FBP1: variants seen among roughly 807,000 people sequenced by gnomAD.
FBP1 encodes the protein fructose-1,6-bisphosphatase 1.
FBP1 carries 22 observed loss-of-function variants against 29.9 expected under a neutral mutation model. The observed-to-expected ratio is 0.74, with a 90% CI of 0.53 to 1.05. The LOEUF (loss-of-function observed/expected upper bound fraction) is 1.05. Ranked by LOEUF, FBP1 falls within the 50% of genes least tolerant of loss-of-function variation. The pLI is 0.00. For synonymous variants in FBP1, 175 were observed against 178.6 expected (o/e 0.98, Z 0.16); for missense variants, 345 against 448.2 (o/e 0.77, Z 2.08).
intron 1 of FBP1, among the ~76,000 whole-genome samples, chr9:94,636,163 T>C (rs1478984994): frequency 6.6e-6 from 1 of 152,118 alleles, no homozygotes; most frequent in African/African-American, 2.4e-5. Flanking sequence ...TAAAACCTGG[T>C]ATTCACAACT....
At chr9:94,636,331 T>C (rs1320461868) in intron 1 of FBP1, among the ~76,000 whole-genome samples, 1 of 151,654 alleles carries the variant, frequency 6.6e-6, no homozygotes, top group East Asian at 1.9e-4. Flanking sequence ...ACACAAAAAT[T>C]ATCCGGCATG....
At chr9:94,617,331 A>T (rs566962070) in intron 3 of FBP1, among the ~76,000 whole-genome samples, 1 of 152,360 alleles carries the variant, frequency 6.6e-6, no homozygotes, top group South Asian at 2.1e-4. Context: ...GGCTGTACAC[A>T]TTAGGCCACA....
intron 1 of FBP1, among the ~76,000 whole-genome samples, chr9:94,629,565 T>C (rs1828073155): frequency 6.6e-6 from 1 of 151,890 alleles, no homozygotes; most frequent in Admixed American, 6.6e-5. Flanking sequence ...CTCCAGGAGA[T>C]CTTCCATGGT....
chr9:94,610,355 C>G (rs1194891385), intron 3 of FBP1, among the ~76,000 whole-genome samples: 1 of 152,214 alleles, frequency 6.6e-6, no homozygotes, highest in African/African-American at 2.4e-5. Flanking sequence ...AAAGAGCATG[C>G]CTTCTTGCCA....
At chr9:94,604,204 T>C (rs1226759175) in intron 6 of FBP1, among the ~76,000 whole-genome samples, 1 of 151,378 alleles carries the variant, frequency 6.6e-6, no homozygotes, top group Non-Finnish European at 1.5e-5. Flanking sequence ...CCTGAGTCTA[T>C]TTCCACATAG....
At chr9:94,625,770 G>A (rs868514610) in intron 1 of FBP1, among the ~76,000 whole-genome samples, 41 of 151,994 alleles carry the variant, frequency 2.7e-4, no homozygotes, top group African/African-American at 8.9e-4. Context: ...GCTCCAGCCT[G>A]GGCGACAGAG....
chr9:94,630,451 T>C (rs1188631095), intron 1 of FBP1, among the ~76,000 whole-genome samples: 1 of 152,192 alleles, frequency 6.6e-6, no homozygotes, highest in Non-Finnish European at 1.5e-5. Context: ...TAGAGTGTAA[T>C]GGTCAAGGCC....
chr9:94,625,473 CCAAGCCATG>C, intron 1 of FBP1, among the ~76,000 whole-genome samples: 1 of 152,132 alleles, frequency 6.6e-6, no homozygotes, highest in Middle Eastern at 3.4e-3. Context: ...CCCGCATCCA[CCAAGCCATG>C]CAGGCCCTCG....
intron 6 of FBP1, 128 bp downstream of exon 6, chr9:94,605,329 G>C: frequency 1.1e-6 from 1 of 925,032 alleles, no homozygotes; most frequent in Non-Finnish European, 1.7e-6. Context: ...AAAAGAATAT[G>C]CTACAGACAC....
chr9:94,610,895 G>A (rs572543157), intron 3 of FBP1, among the ~76,000 whole-genome samples: 23 of 145,746 alleles, frequency 1.6e-4, no homozygotes, highest in Non-Finnish European at 2.7e-4. Flanking sequence ...ACGGAGTCTC[G>A]CTCTGTCGCC....
At position 94,612,486 on chromosome 9, in the gene FBP1, C is replaced by T. The variant is rs2987896; in HGVS notation, c.427-2425G>A. On this transcript the variant is annotated intron_variant, in intron 3 of 6. Coordinates refer to ENST00000375326, the MANE Select transcript of FBP1 (RefSeq NM_000507.4). ...TTGTCTATGACCCACATACTCAAAA[C>T]GAAGAGAAAATTATCCCACTGAGCC... 7.3e-3 allele frequency among the ~76,000 whole-genome samples: 1,101 copies of T among 151,232 alleles called. 6 individuals carry two copies. Among genetic ancestry groups the T allele is most frequent in the Non-Finnish European group, 0.01 (689 of 67,934 alleles).
chr9:94,617,997 A>G (rs1436900856), intron 2 of FBP1, 137 bp from the exon 3 acceptor site: 1 of 698,980 alleles, frequency 1.4e-6, no homozygotes, highest in Non-Finnish European at 2.5e-6. Context: ...ACTGTCATGG[A>G]AGGCATGAGA....
chr9:94,619,649 G>A (rs369187619), intron 2 of FBP1, among the ~76,000 whole-genome samples: 8 of 151,974 alleles, frequency 5.3e-5, no homozygotes, highest in African/African-American at 1.2e-4. Flanking sequence ...CAAGGTGGGC[G>A]GGTCACTTGA....
intron 1 of FBP1, among the ~76,000 whole-genome samples, chr9:94,621,398 A>AAAAAAAAAAAAAATATATATATATATAT (rs58726402): frequency 2.7e-5 from 4 of 146,158 alleles, no homozygotes; most frequent in Admixed American, 6.7e-5. Context: ...TCCGTCTAAA[A>AAAAAAAAAAAAAATATATATATATATAT]ATATATATAT....
chr9:94,608,297 C>G (rs1827731375), intron 4 of FBP1, among the ~76,000 whole-genome samples: 2 of 152,220 alleles, frequency 1.3e-5, no homozygotes, highest in Admixed American at 1.3e-4. Context: ...CCGTCAGGCA[C>G]CGCAGACAGA....
rs1205520262 is a variant in FBP1 at position 94,617,815 on chromosome 9, T to A, written c.379A>T (p.Ile127Phe). The part of the protein sequence containing the change: ...CFDPLDGSSN[I>F]DCLVSVGTIF... ...GTTCCAACGGACACAAGGCAATCGA[T>A]GTTGGAAGATCCATCAAGGGGATCA... Residue 127 changes from isoleucine to phenylalanine, a missense_variant, in exon 3 of 7, where the codon ATC becomes TTC. By Grantham distance (21) the Ile-to-Phe change is conservative. Transcript: ENST00000375326. 1 of 1,614,084 alleles carries A rather than the reference T, an allele frequency of 6.2e-7. No homozygotes were observed. Among genetic ancestry groups the A allele is most frequent in the East Asian group, 2.2e-5 (1 of 44,884 alleles).
rs28369761 is a variant in FBP1, at chr9:94,605,518, C to A, written c.764G>T (p.Arg255Leu). 33 of 1,613,656 alleles carry A rather than the reference C, an allele frequency of 2.0e-5. No homozygotes were observed. The Admixed American group carries it at 4.8e-4, about 24-fold the overall frequency. The change falls in exon 6 of 7, where the codon CGC becomes CTC. Residue 255 changes from arginine (R) to leucine (L), a missense_variant. Arg to Leu is a moderately radical substitution (Grantham distance 102, BLOSUM62 -2). Coordinates refer to ENST00000375326, the MANE Select transcript of FBP1 (RefSeq NM_000507.4). ...YVGSMVADVH[R>L]TLVYGGIFLY... ...AAATATCCCTCCGTAGACCAGAGTGCGATGAACATCAGCCACCATGGAGCC... is the reference window on the plus strand; with the variant it reads ...AAATATCCCTCCGTAGACCAGAGTGAGATGAACATCAGCCACCATGGAGCC...
chr9:94,617,981 A>G (rs1827888377), intron 2 of FBP1, 121 bp from the exon 3 acceptor site: 1 of 747,962 alleles, frequency 1.3e-6, no homozygotes, highest in Non-Finnish European at 2.3e-6. Context: ...GGTCTTATTT[A>G]TTTGTACTGT....
intron 3 of FBP1, among the ~76,000 whole-genome samples, chr9:94,613,848 C>G (rs559382965): frequency 4.7e-5 from 7 of 149,044 alleles, no homozygotes; most frequent in Admixed American, 1.3e-4. Context: ...GAGGCCGAGG[C>G]GGGCGGATCA....
Sources: gnomAD v4.1 joint callset for allele counts (sites outside exome capture counted in the v4.1 genomes callset) on GRCh38, gnomAD v4.1.1 for gene constraint, MANE v1.5 for transcripts, NCBI Gene and HGNC (gene_info 2026-07-23, HGNC 2026-07-21) for gene names.